The following PRELID2 variants were observed in gnomAD, a reference collection of about 807,000 sequenced individuals.
The protein encoded by PRELID2 is PRELI domain-containing protein 2.
Under a neutral mutation model 28.4 loss-of-function variants are expected in PRELID2, and 25 were observed. The observed-to-expected ratio is 0.88, with a 90% CI of 0.64 to 1.23. PRELID2 has a LOEUF of 1.23. PRELID2 is among the 50% of genes most tolerant of loss of function. The probability of loss-of-function intolerance (pLI) is 0.00; values close to 1 mark genes in which losing one functional copy is unlikely to be tolerated. For synonymous variants in PRELID2, 76 were observed against 71.6 expected (o/e 1.06, Z -0.31); for missense variants, 201 against 214.4 (o/e 0.94, Z 0.39).
At chr5:145,537,906 C>T (rs1398146571) in intron 1 of PRELID2, among the ~76,000 whole-genome samples, 3 of 151,698 alleles carry the variant, frequency 2.0e-5, no homozygotes, top group Non-Finnish European at 4.4e-5. Context: ...TTTTAAAATC[C>T]TTCCCCAGCC....
the PRELID2 span, among the ~76,000 whole-genome samples, chr5:145,428,185 T>C: frequency 3.9e-5 from 6 of 152,108 alleles, no homozygotes; most frequent in Non-Finnish European, 8.8e-5. Context: ...TCTCAAACTC[T>C]TGACCTCAGG....
chr5:145,806,566 T>G (rs1753526784), intron 4 of PRELID2, among the ~76,000 whole-genome samples: 1 of 152,204 alleles, frequency 6.6e-6, no homozygotes, highest in Admixed American at 6.5e-5. Flanking sequence ...GGAGTACACT[T>G]TAAAACAACA....
At chr5:145,523,651 G>C (rs1467075835) in intron 1 of PRELID2, among the ~76,000 whole-genome samples, 1 of 152,104 alleles carries the variant, frequency 6.6e-6, no homozygotes, top group Non-Finnish European at 1.5e-5. Flanking sequence ...AGCTCTATCA[G>C]GGTCCGCTGC....
At chr5:145,600,434 A>AAATATATATATATATATATATATATATAT (rs1315631607) in intron 1 of PRELID2, among the ~76,000 whole-genome samples, 3 of 120,114 alleles carry the variant, frequency 2.5e-5, no homozygotes, top group African/African-American at 8.2e-5. Flanking sequence ...AAAAAAAAAA[A>AAATATATATATATATATATATATATATAT]ATATATATAT....
the PRELID2 span, among the ~76,000 whole-genome samples, chr5:145,300,119 T>C: frequency 3.2e-4 from 48 of 152,118 alleles, no homozygotes; most frequent in Non-Finnish European, 5.4e-4. Flanking sequence ...TGTATGTACA[T>C]TTTTCTTCAG....
exon 3 of PRELID2, chr5:145,471,975 A>G (rs755141466): frequency 6.6e-6 from 1 of 152,148 alleles, no homozygotes; most frequent in Non-Finnish European, 1.5e-5. Flanking sequence ...CATTTGAGTC[A>G]TCATTGTTTA....
chr5:145,315,072 T>C, the PRELID2 span, among the ~76,000 whole-genome samples: 1 of 144,278 alleles, frequency 6.9e-6, no homozygotes, highest in Non-Finnish European at 1.5e-5. Flanking sequence ...TTCTTTTTTT[T>C]TTTTTTTTTT....
chr5:145,266,658 C>G, the PRELID2 span, among the ~76,000 whole-genome samples: 1 of 152,142 alleles, frequency 6.6e-6, no homozygotes, highest in Non-Finnish European at 1.5e-5. Flanking sequence ...AAAAGTTGCT[C>G]TAACATTTGA....
chr5:145,232,269 T>A, the PRELID2 span, among the ~76,000 whole-genome samples: 1 of 152,194 alleles, frequency 6.6e-6, no homozygotes, highest in African/African-American at 2.4e-5. Context: ...ACATACATTC[T>A]CTTATTCATT....
chr5:145,531,717 A>T (rs188307673), intron 1 of PRELID2, among the ~76,000 whole-genome samples: 28 of 152,284 alleles, frequency 1.8e-4, no homozygotes, highest in Non-Finnish European at 2.9e-4. Context: ...GCTCTCATGC[A>T]GAGAAGGATC....
At chr5:145,770,950 T>C (rs1008061544) in intron 5 of PRELID2, among the ~76,000 whole-genome samples, 2 of 152,144 alleles carry the variant, frequency 1.3e-5, no homozygotes, top group Non-Finnish European at 2.9e-5. Context: ...AAAGTATTTG[T>C]TTATAAATGT....
At chr5:145,717,319 G>C (rs1031174604) in intron 1 of PRELID2, among the ~76,000 whole-genome samples, 7 of 152,066 alleles carry the variant, frequency 4.6e-5, no homozygotes, top group African/African-American at 1.7e-4. Flanking sequence ...GGGTGATAAA[G>C]ATGTCTGAAA....
At chr5:145,369,708 CA>C in the PRELID2 span, among the ~76,000 whole-genome samples, 2 of 152,112 alleles carry the variant, frequency 1.3e-5, no homozygotes, top group Non-Finnish European at 1.5e-5. Context: ...CTGTCTTCCA[CA>C]ATGGTTGAAC....
Position 145,616,448 on chromosome 5 carries a change from G to T in PRELID2, n.71-143133C>A, listed in dbSNP as rs556126130. Among the ~76,000 whole-genome samples the T allele has an allele frequency of 3.3e-3, 504 of 152,228 alleles. 1 individual carries two copies. Among genetic ancestry groups the T allele is most frequent in the Middle Eastern group, 0.01 (3 of 294 alleles). On this transcript the variant is annotated intron_variant and non_coding_transcript_variant, in intron 1 of 2. Coordinates refer to the PRELID2 transcript ENST00000510259. ...AATTCACCCCCGATATTTCACGTAG[G>T]TTCTTTTCTATACTCCCTAAGTGTC...
chr5:145,706,882 C>T (rs73302080), intron 1 of PRELID2, among the ~76,000 whole-genome samples: 244 of 152,268 alleles, frequency 1.6e-3, no homozygotes, highest in African/African-American at 4.9e-3. Flanking sequence ...GAGATTCAAT[C>T]ACATGCCTGG....
At chr5:145,448,333 T>G in the PRELID2 span, among the ~76,000 whole-genome samples, 9 of 152,160 alleles carry the variant, frequency 5.9e-5, no homozygotes, top group Non-Finnish European at 5.9e-5. Context: ...GTTTTTTTCT[T>G]GTAAATTTGT....
chr5:145,368,700 A>G, the PRELID2 span, among the ~76,000 whole-genome samples: 1 of 151,894 alleles, frequency 6.6e-6, no homozygotes, highest in South Asian at 2.1e-4. Flanking sequence ...AGTCACCCAT[A>G]ACAGATTTTT....
At chr5:145,540,944 T>G (rs186932956) in intron 1 of PRELID2, among the ~76,000 whole-genome samples, 12 of 152,062 alleles carry the variant, frequency 7.9e-5, no homozygotes, top group African/African-American at 2.9e-4. Context: ...GTTTTCAGTT[T>G]TTAAACTGGA....
chr5:145,406,838 A>G, the PRELID2 span, among the ~76,000 whole-genome samples: 1 of 152,196 alleles, frequency 6.6e-6, no homozygotes, highest in Non-Finnish European at 1.5e-5. Context: ...GAAAGATTTA[A>G]CCTTACCTAG....
Sources: allele counts gnomAD v4.1 joint callset (sites outside exome capture counted in the v4.1 genomes callset), GRCh38; gene constraint gnomAD v4.1.1; transcripts MANE v1.5; gene names NCBI Gene and HGNC (gene_info 2026-07-23, HGNC 2026-07-21).